Variants in ANXA6 observed in about 807,000 individuals in gnomAD.
The protein encoded by ANXA6 is annexin A6.
Under a neutral mutation model 95.4 loss-of-function variants are expected in ANXA6, and 71 were observed. The observed-to-expected ratio is 0.74, with a 90% CI of 0.61 to 0.91. ANXA6 has a LOEUF of 0.91. Ranked by LOEUF, ANXA6 falls within the 40% of genes least tolerant of loss-of-function variation. ANXA6 has a pLI of 0.00. For synonymous variants in ANXA6, 289 were observed against 315.9 expected, an observed-to-expected ratio of 0.91 and a Z score of 0.90; for missense variants, 830 against 876.4, an observed-to-expected ratio of 0.95 and a Z score of 0.67.
chr5:151,115,126 G>A (rs1307372288), intron 20 of ANXA6, among the ~76,000 whole-genome samples: 1 of 152,182 alleles, frequency 6.6e-6, no homozygotes. Context: ...GCCATTAAAT[G>A]ATATCGTTGA....
rs200735957 is a variant in ANXA6, at chr5:151,101,461, C to G, written c.2009G>C (p.Gly670Ala). The G allele has an allele frequency of 6.4e-7, 1 of 1,559,964 alleles. No homozygotes were observed. The highest frequency in any genetic ancestry group is 1.2e-5 in the South Asian group (1 of 84,438). The stretch of plus-strand genomic sequence containing the variant: ...AAAGCTGTGGCCCTAGTCCTCACCA[C>G]CACAGAGAGCCAGCAAGGCCTTCAG... Reference protein sequence around the residue: ...DFLKALLALCGGED With the variant: ...DFLKALLALCAGED The change falls in exon 26 of 26, where the codon GGT (glycine) becomes GCT (alanine). Residue 670 changes from glycine (G) to alanine (A), a missense_variant. By Grantham distance (60) the Gly-to-Ala change is moderately conservative. Coordinates refer to ENST00000354546, the MANE Select transcript of ANXA6 (RefSeq NM_001155.5).
intron 6 of ANXA6, among the ~76,000 whole-genome samples, chr5:151,136,994 TTCATTATC>T (rs1441782871): frequency 1.3e-5 from 2 of 152,216 alleles, no homozygotes; most frequent in Non-Finnish European, 2.9e-5. Flanking sequence ...GTGTGTCTCC[TTCATTATC>T]TCATTATCTC....
At chr5:151,129,668 T>A (rs1242980784) in intron 11 of ANXA6, 139 bp from the exon 12 acceptor site, 4 of 965,374 alleles carry the variant, frequency 4.1e-6, no homozygotes, top group Non-Finnish European at 6.1e-6. Context: ...GCCATTCCCA[T>A]TGAAGCTCTC....
At chr5:151,116,083 A>T (rs62379664) in intron 20 of ANXA6, among the ~76,000 whole-genome samples, 11,211 of 152,302 alleles carry the variant, frequency 0.074, 534 homozygotes, top group South Asian at 0.15. Flanking sequence ...TGCATTCTAA[A>T]AATTATAATT....
Position 151,114,313 on chromosome 5 carries a change from AT to A in ANXA6, c.1572+2813del, listed in dbSNP as rs539305264. ...TGAATTCTATTTCAAGAAAGCTGTT[AT>A]ATTTTTAAAAGCCTGGGCCAGGCAT... On this transcript the variant is annotated intron_variant, in intron 20 of 25. Coordinates refer to ENST00000354546, the MANE Select transcript of ANXA6 (RefSeq NM_001155.5). Among the ~76,000 whole-genome samples the A allele has an allele frequency of 1.2e-4, 19 of 152,240 alleles. 1 individual carries two copies. In the South Asian group the frequency reaches 3.7e-3, roughly 30 times the overall value.
Position 151,108,466 on chromosome 5 carries a change from A to G in ANXA6, c.1769T>C (p.Phe590Ser). The change falls in exon 23 of 26, where the codon TTT (phenylalanine) becomes TCT (serine). Residue 590 changes from phenylalanine (F) to serine (S), a missense_variant. Phe to Ser is a radical substitution (Grantham distance 155). Coordinates refer to ENST00000354546, the MANE Select transcript of ANXA6 (RefSeq NM_001155.5). ...KEMSGDVRDA[F>S]VAIVQSVKNK... ...TCCCTGCCAGTTACCAATGGCCACA[A>G]ATGCATCCCTGACATCCCCAGACAT... 1 of 1,613,828 alleles carries G rather than the reference A, an allele frequency of 6.2e-7. No homozygotes were observed. Among genetic ancestry groups the G allele is most frequent in the Non-Finnish European group, 8.5e-7 (1 of 1,179,788 alleles).
In ANXA6 at chr5:151,122,988, CGAT is replaced by C. The variant is rs1561573543; in HGVS notation, c.1159_1161del (p.Ile387del). 1 of 1,613,674 alleles carries C rather than the reference CGAT, an allele frequency of 6.2e-7. No individual in the cohort carries two copies. The highest frequency in any genetic ancestry group is 2.2e-5 in the East Asian group (1 of 44,904). On this transcript the variant is annotated inframe_deletion, in exon 16 of 26. Coordinates refer to ENST00000354546, the MANE Select transcript of ANXA6 (RefSeq NM_001155.5). Reference sequence around the variant, plus strand: ...ACATTGCTGCGGTGCGTGATGATATCGATGATTGTGTCTTCGTCAGTCCCTGAG... The same window carrying C: ...ACATTGCTGCGGTGCGTGATGATATCGATTGTGTCTTCGTCAGTCCCTGAG...
chr5:151,118,511 G>A (rs919615415), intron 18 of ANXA6, among the ~76,000 whole-genome samples: 1 of 151,966 alleles, frequency 6.6e-6, no homozygotes, highest in Admixed American at 6.6e-5. Context: ...TCGGCTCACT[G>A]CAACCTCTGC....
At chr5:151,131,883 C>G (rs1396192967) in intron 10 of ANXA6, among the ~76,000 whole-genome samples, 1 of 152,172 alleles carries the variant, frequency 6.6e-6, no homozygotes, top group African/African-American at 2.4e-5. Context: ...CCCCCACACC[C>G]TGCACCCCAC....
At chr5:151,103,724 CG>C (rs1561562771) in intron 24 of ANXA6, 32 bp from the exon 25 acceptor site, 1 of 1,590,378 alleles carries the variant, frequency 6.3e-7, no homozygotes, top group Admixed American at 1.8e-5. Context: ...GAGACACAGG[CG>C]GAAGGAGAGA....
At chr5:151,122,890 AC>A (rs1765209503) in intron 16 of ANXA6, 26 bp downstream of exon 16, 2 of 1,605,352 alleles carry the variant, frequency 1.2e-6, no homozygotes. Context: ...TGCATGTTGC[AC>A]AGAGAGCCCA....
chr5:151,132,088 TCTGTGAAATAGA>T (rs1194910969), intron 10 of ANXA6, among the ~76,000 whole-genome samples: 1 of 152,164 alleles, frequency 6.6e-6, no homozygotes, highest in East Asian at 1.9e-4. Flanking sequence ...AGTTTCCTCA[TCTGTGAAATAGA>T]GATCATGGCA....
chr5:151,115,252 A>G (rs1321477462), intron 20 of ANXA6, among the ~76,000 whole-genome samples: 1 of 152,206 alleles, frequency 6.6e-6, no homozygotes, highest in African/African-American at 2.4e-5. Context: ...AATACTGACA[A>G]TGCTTATTAC....
intron 24 of ANXA6, 143 bp from the exon 25 acceptor site, chr5:151,103,835 A>T (rs574295106): frequency 1.9e-6 from 2 of 1,041,356 alleles, no homozygotes; most frequent in East Asian, 5.7e-5. Flanking sequence ...TTCTGCAAAC[A>T]GTCCTGACCA....
intron 5 of ANXA6, 62 bp downstream of exon 5, chr5:151,138,616 G>T: frequency 1.6e-6 from 2 of 1,241,450 alleles, no homozygotes; most frequent in East Asian, 2.4e-5. Flanking sequence ...TTTTGGAAGA[G>T]CCCAGAATCT....
At chr5:151,149,823 G>C (rs911592586) in intron 1 of ANXA6, among the ~76,000 whole-genome samples, 3 of 151,968 alleles carry the variant, frequency 2.0e-5, no homozygotes, top group Non-Finnish European at 4.4e-5. Flanking sequence ...CTTTTTAAAA[G>C]TGAACATAAC....
intron 21 of ANXA6, among the ~76,000 whole-genome samples, chr5:151,110,399 A>G (rs1327634728): frequency 6.6e-6 from 1 of 152,240 alleles, no homozygotes; most frequent in Non-Finnish European, 1.5e-5. Flanking sequence ...TTTAAAGATC[A>G]GTATTAATAG....
intron 25 of ANXA6, 145 bp from the exon 26 acceptor site, chr5:151,101,652 G>T: frequency 1.4e-6 from 1 of 736,138 alleles, no homozygotes; most frequent in Non-Finnish European, 2.4e-6. Context: ...AGGCTACTGG[G>T]ATCTCCCAGA....
chr5:151,139,126 A>G, intron 4 of ANXA6: 1 of 587,138 alleles, frequency 1.7e-6, no homozygotes, highest in South Asian at 2.1e-5. Context: ...CATCTTATTC[A>G]CTAGTGCAGC....
Sources: allele counts gnomAD v4.1 joint callset (sites outside exome capture counted in the v4.1 genomes callset), GRCh38; gene constraint gnomAD v4.1.1; transcripts MANE v1.5; gene names NCBI Gene and HGNC (gene_info 2026-07-23, HGNC 2026-07-21).